Variants in SUN2 observed in about 807,000 individuals in gnomAD.
SUN2 encodes the protein Sad1 and UNC84 domain containing 2, also known as SUN domain-containing protein 2.
A neutral mutation model predicts 100.0 loss-of-function variants in SUN2; 60 were observed. The ratio of observed to expected loss-of-function variants is 0.60; its 90% confidence interval spans 0.49 to 0.74. SUN2 has a LOEUF of 0.74. Among genes scored for constraint, SUN2 ranks in the 30% least tolerant of loss-of-function variants. The pLI, the probability that SUN2 is intolerant of heterozygous loss-of-function variation, is 0.00. For missense variants in SUN2, 834 were observed against 954.6 expected, an observed-to-expected ratio of 0.87 and a Z score of 1.66; for synonymous variants, 367 against 403.3, an observed-to-expected ratio of 0.91 and a Z score of 1.08.
chr22:38,755,576 G>A lies in SUN2; in HGVS notation c.-38+187C>T. The A allele has an allele frequency of 1.0e-6, 1 of 955,874 alleles. No homozygotes were observed. Among genetic ancestry groups the A allele is most frequent in the Non-Finnish European group, 1.2e-6 (1 of 802,738 alleles). 59.2% of individuals were successfully genotyped at this position (955,874 alleles called of 1,614,324 possible). ...GGCTGACCAGTGGCGCGGCAGGCGG[G>A]GCGGGGGCCAGGAGGTGAGTCAGGG... On this transcript the variant is annotated intron_variant, in intron 1 of 17. Transcript: ENST00000689035. This position sits in a 1 kb window ranked among gnomAD's most constrained non-coding sequence, Gnocchi z 5.7.
chr22:38,741,409 T>G, intron 10 of SUN2, 85 bp downstream of exon 10: 3 of 1,399,824 alleles, frequency 2.1e-6, no homozygotes, highest in Non-Finnish European at 3.0e-6. Flanking sequence ...AACAGTCCCT[T>G]TGGAAGGGCC....
chr22:38,749,942 C>G, intron 5 of SUN2, 83 bp from the exon 6 acceptor site: 1 of 1,355,568 alleles, frequency 7.4e-7, no homozygotes, highest in Non-Finnish European at 1.0e-6. Flanking sequence ...TCCTCCCTGC[C>G]CCTACCCCAC....
intron 1 of SUN2, chr22:38,754,872 C>T (rs763409469): frequency 5.4e-6 from 7 of 1,289,356 alleles, no homozygotes; most frequent in Non-Finnish European, 7.1e-6. Flanking sequence ...TTTCCTGCGG[C>T]ATCCTGGCAT....
chr22:38,737,811 T>C lies in SUN2; in HGVS notation c.2040+362A>G, dbSNP rs2092819325. The C allele has an allele frequency of 4.3e-6, 2 of 464,320 alleles. No individual in the cohort carries two copies. The highest frequency in any genetic ancestry group is 1.7e-5 in the South Asian group (1 of 59,032). 28.8% of individuals were successfully genotyped at this position (464,320 alleles called of 1,614,324 possible). ...TGAAGTTTAAGCCGCATGCACTGCC[T>C]GAGGCTCCAGCTGGCCATGGTAGAA... On this transcript the variant is annotated intron_variant, in intron 17 of 17. Transcript: ENST00000689035. The surrounding 1 kb of genome is among the most constrained non-coding windows in gnomAD (Gnocchi z 4.1).
intron 7 of SUN2, among the ~76,000 whole-genome samples, chr22:38,747,897 C>T (rs2092916220): frequency 6.6e-6 from 1 of 151,952 alleles, no homozygotes; most frequent in African/African-American, 2.4e-5. Flanking sequence ...GAGCTGTGTT[C>T]GTGCCACTGC....
chr22:38,739,433 TGCAG>T lies in SUN2; in HGVS notation c.1579-11_1579-8del. On this transcript the variant is annotated splice_region_variant and splice_polypyrimidine_tract_variant and intron_variant, in intron 13 of 17. Coordinates refer to ENST00000689035, the MANE Select transcript of SUN2 (RefSeq NM_015374.3). This position sits in a 1 kb window ranked among gnomAD's most constrained non-coding sequence, Gnocchi z 6.7. ...TCACGATGTGGTGCACCTGCTGCAA[TGCAG>T]GCACCAGGAGACGGTTGCAGCAGGG... is the stretch of plus-strand genomic sequence containing the variant. 2 of 1,612,834 alleles carry T rather than the reference TGCAG, an allele frequency of 1.2e-6. No homozygotes were observed. Among genetic ancestry groups the T allele is most frequent in the Non-Finnish European group, 1.7e-6 (2 of 1,179,896 alleles).
chr22:38,747,830 C>T (rs1481786427), intron 7 of SUN2, among the ~76,000 whole-genome samples: 1 of 152,094 alleles, frequency 6.6e-6, no homozygotes, highest in Non-Finnish European at 1.5e-5. Context: ...GTAATCCCAG[C>T]TACTTGGGAG....
In SUN2 at chr22:38,736,142, CA is replaced by C. The variant is rs1175657317; in HGVS notation, c.*124del. 1.1e-6 allele frequency: 1 copy of C among 941,934 alleles called. No individual in the cohort carries two copies. The highest frequency in any genetic ancestry group is 1.7e-6 in the Non-Finnish European group (1 of 587,146). The allele number at this position is 941,934 out of a possible 1,614,324, so 58.3% of individuals were successfully genotyped here. A position where few individuals can be genotyped will look rare whatever the true frequency, so the allele number is the denominator to read the frequency against. ...AGACCCTGCCCGTCCTTTTCATCTGCATGGGGCCACAGGCTCCTCTCTTGTG... is the reference window on the plus strand; with the variant it reads ...AGACCCTGCCCGTCCTTTTCATCTGCTGGGGCCACAGGCTCCTCTCTTGTG... On this transcript the variant is annotated 3_prime_UTR_variant, in exon 18 of 18. Transcript: ENST00000689035.
intron 7 of SUN2, among the ~76,000 whole-genome samples, chr22:38,748,002 G>A (rs2092917031): frequency 6.6e-6 from 1 of 151,910 alleles, no homozygotes; most frequent in South Asian, 2.1e-4. Flanking sequence ...CAGGACAGCT[G>A]GTAAGTGACT....
chr22:38,745,872 G>A (rs1382051878), intron 7 of SUN2, 61 bp from the exon 8 acceptor site: 1 of 1,582,948 alleles, frequency 6.3e-7, no homozygotes, highest in African/African-American at 1.3e-5. Flanking sequence ...GCGCGCCAGG[G>A]AGGATGGCTA....
chr22:38,741,613 C>T, intron 9 of SUN2, 42 bp from the exon 10 acceptor site: 1 of 1,566,982 alleles, frequency 6.4e-7, no homozygotes, highest in African/African-American at 1.4e-5. Flanking sequence ...CAGAGCCATG[C>T]TTATAGGGAC....
chr22:38,745,285 C>T (rs1260077050), intron 8 of SUN2: 2 of 438,686 alleles, frequency 4.6e-6, no homozygotes, highest in Non-Finnish European at 9.4e-6. Flanking sequence ...CAGATCCACA[C>T]AGGCAAGTAC....
chr22:38,740,595 C>A lies in SUN2; in HGVS notation c.1191-163G>T. The A allele has an allele frequency of 4.3e-6, 3 of 700,030 alleles. No individual in the cohort carries two copies. Among genetic ancestry groups the A allele is most frequent in the Non-Finnish European group, 6.8e-6 (3 of 444,090 alleles). 43.4% of individuals were successfully genotyped at this position (700,030 alleles called of 1,614,324 possible). A position where few individuals can be genotyped will look rare whatever the true frequency, so the allele number is the denominator to read the frequency against. On this transcript the variant is annotated intron_variant, in intron 11 of 17. Coordinates refer to ENST00000689035, the MANE Select transcript of SUN2 (RefSeq NM_015374.3). The surrounding 1 kb of genome is among the most constrained non-coding windows in gnomAD (Gnocchi z 4.8). ...GCAAGGCCTCTCCTGGGGGTTCTGG[C>A]TGCAGAACCCCTGCCTGTCCCAAGG...
Position 38,740,238 on chromosome 22 carries a change from C to T in SUN2, c.1356+29G>A, listed in dbSNP as rs778229324. On this transcript the variant is annotated intron_variant, in intron 12 of 17. Transcript: ENST00000689035. The surrounding 1 kb of genome is among the most constrained non-coding windows in gnomAD (Gnocchi z 4.8). ...TCGTCTCAAAGGAGGAGGAGAGGGACCAGCAGGGCCCTGGTGGTTCCCACT... is the reference window on the plus strand; with the variant it reads ...TCGTCTCAAAGGAGGAGGAGAGGGATCAGCAGGGCCCTGGTGGTTCCCACT... 2 of 1,520,434 alleles carry T rather than the reference C, an allele frequency of 1.3e-6. No homozygotes were observed. The highest frequency in any genetic ancestry group is 1.8e-6 in the Non-Finnish European group (2 of 1,131,176). The allele number at this position is 1,520,434 out of a possible 1,614,324, so 94.2% of individuals were successfully genotyped here. A position where few individuals can be genotyped will look rare whatever the true frequency, so the allele number is the denominator to read the frequency against.
chr22:38,739,302 G>C lies in SUN2; in HGVS notation c.1663+40C>G, dbSNP rs184874690. ...GATGCCAGGGGACCGGCCATTGCGG[G>C]GTCCAGGACAAGGCAGAGCGAGGAA... On this transcript the variant is annotated intron_variant, in intron 14 of 17. Coordinates refer to ENST00000689035, the MANE Select transcript of SUN2 (RefSeq NM_015374.3). This position sits in a 1 kb window ranked among gnomAD's most constrained non-coding sequence, Gnocchi z 6.7. The C allele has an allele frequency of 5.6e-6, 9 of 1,601,458 alleles. No individual in the cohort carries two copies. In the Admixed American group the frequency reaches 1.5e-4, roughly 27 times the overall value.
chr22:38,739,114 G>A lies in SUN2; in HGVS notation c.1664-126C>T, dbSNP rs1198050276. On this transcript the variant is annotated intron_variant, in intron 14 of 17. Coordinates refer to ENST00000689035, the MANE Select transcript of SUN2 (RefSeq NM_015374.3). This position sits in a 1 kb window ranked among gnomAD's most constrained non-coding sequence, Gnocchi z 6.7. ...AGGCCTAGCCTTTAACCCTAACCGA[G>A]ATGCTCAGAGCAGCTTTAAAGGTCA... The A allele has an allele frequency of 9.7e-7, 1 of 1,027,224 alleles. No homozygotes were observed. The highest frequency in any genetic ancestry group is 2.6e-5 in the East Asian group (1 of 38,402). The allele number at this position is 1,027,224 out of a possible 1,614,324, so 63.6% of individuals were successfully genotyped here.
intron 8 of SUN2, chr22:38,742,985 G>A (rs1981365188): frequency 6.1e-6 from 1 of 163,204 alleles, no homozygotes; most frequent in South Asian, 1.9e-4. Context: ...TCTGTCTGTG[G>A]ACTCTCAATG....
At position 38,750,881 on chromosome 22, in the gene SUN2, G is replaced by A. The variant is rs114206377; in HGVS notation, c.424+17C>T. 2,971 of 1,613,870 alleles carry A rather than the reference G, an allele frequency of 1.8e-3. 32 individuals are homozygous for A. The African/African-American group carries it at 0.031, about 17-fold the overall frequency. ...AGCAGCCTCGGATCTGCTCAGGAGGGAGGAAGCATCGCCTACCCACGTAGT... is the reference window on the plus strand; with the variant it reads ...AGCAGCCTCGGATCTGCTCAGGAGGAAGGAAGCATCGCCTACCCACGTAGT... On this transcript the variant is annotated intron_variant, in intron 4 of 17. Coordinates refer to ENST00000689035, the MANE Select transcript of SUN2 (RefSeq NM_015374.3).
intron 1 of SUN2, 95 bp from the exon 2 acceptor site, chr22:38,752,760 G>T: frequency 7.2e-7 from 1 of 1,388,592 alleles, no homozygotes; most frequent in Non-Finnish European, 9.6e-7. Context: ...CCTCACAGCC[G>T]AGAACAGACC....
Sources: allele counts gnomAD v4.1 joint callset (sites outside exome capture counted in the v4.1 genomes callset), GRCh38; gene constraint gnomAD v4.1.1; non-coding constraint Gnocchi (gnomAD v3.1); transcripts MANE v1.5; gene names NCBI Gene and HGNC (gene_info 2026-07-23, HGNC 2026-07-21).